PTPN3: variants seen among roughly 807,000 people sequenced by gnomAD.
PTPN3 encodes the protein protein tyrosine phosphatase non-receptor type 3, also known as tyrosine-protein phosphatase non-receptor type 3.
Under a neutral mutation model 132.7 loss-of-function variants are expected in PTPN3, and 96 were observed. The ratio of observed to expected loss-of-function variants is 0.72; its 90% CI spans 0.61 to 0.86. The LOEUF is 0.86. Among genes scored for constraint, PTPN3 ranks in the 40% least tolerant of loss-of-function variants. The pLI, the probability that PTPN3 is intolerant of heterozygous loss-of-function variation, is 0.00. For missense variants in PTPN3, 1,125 were observed against 1,159.6 expected (o/e 0.97, Z 0.43); for synonymous variants, 398 against 429.0 (o/e 0.93, Z 0.89).
At chr9:109,423,048 C>A (rs1358978873) in intron 12 of PTPN3, among the ~76,000 whole-genome samples, 196 bp from the exon 13 acceptor site, 1 of 152,202 alleles carries the variant, frequency 6.6e-6, no homozygotes, top group Non-Finnish European at 1.5e-5. Context: ...TTCTTCTCTT[C>A]GGGTGAAAAT....
Position 109,446,323 on chromosome 9 carries a change from T to C in PTPN3, c.414-1031A>G, listed in dbSNP as rs553701071. On this transcript the variant is annotated intron_variant, in intron 6 of 25. Transcript: ENST00000374541. ...CAAGATGTGAACCACTCCGCCTTTC[T>C]GACAATGCGGCCCTCCAGGGGTTCC... is the stretch of plus-strand genomic sequence containing the variant. Among the ~76,000 whole-genome samples, 3 of 152,320 alleles carry C rather than the reference T, an allele frequency of 2.0e-5. No individual in the cohort carries two copies. The East Asian group carries it at 5.8e-4, about 29-fold the overall frequency.
chr9:109,461,399 T>C (rs1006217123), intron 2 of PTPN3, among the ~76,000 whole-genome samples: 40 of 152,196 alleles, frequency 2.6e-4, no homozygotes, highest in African/African-American at 9.4e-4. Flanking sequence ...TTACCAAAGC[T>C]GAGCAATCTA....
chr9:109,448,223 C>T (rs1844990152), intron 6 of PTPN3, among the ~76,000 whole-genome samples: 1 of 152,144 alleles, frequency 6.6e-6, no homozygotes, highest in African/African-American at 2.4e-5. Context: ...GGGCTAAACT[C>T]ACAGGGGTTG....
In PTPN3 at chr9:109,379,278, T is replaced by C. The variant is rs974897316; in HGVS notation, c.*278A>G. 5.1e-6 allele frequency: 2 copies of C among 395,034 alleles called. No homozygotes were observed. Among genetic ancestry groups the C allele is most frequent in the Non-Finnish European group, 9.2e-6 (2 of 217,524 alleles). 24.5% of individuals were successfully genotyped at this position (395,034 alleles called of 1,614,324 possible). Reference sequence around the variant, plus strand: ...ATGCCGACAGGGGTGTGTGTGGTGATGTTAGGGAAGAAGGCATTAGGACAG... The same window carrying C: ...ATGCCGACAGGGGTGTGTGTGGTGACGTTAGGGAAGAAGGCATTAGGACAG... On this transcript the variant is annotated 3_prime_UTR_variant, in exon 26 of 26. Coordinates refer to ENST00000374541, the MANE Select transcript of PTPN3 (RefSeq NM_002829.4).
intron 12 of PTPN3, among the ~76,000 whole-genome samples, chr9:109,425,073 G>GT (rs1843144610): frequency 6.6e-6 from 1 of 152,158 alleles, no homozygotes; most frequent in Non-Finnish European, 1.5e-5. Context: ...ATATAATCCA[G>GT]TAAGTTATTT....
chr9:109,505,872 C>G, the PTPN3 span, among the ~76,000 whole-genome samples: 87 of 152,162 alleles, frequency 5.7e-4, no homozygotes, highest in African/African-American at 1.3e-3. Flanking sequence ...GCCTCAGCCT[C>G]CCGAGTAGCT....
rs377490884 is a variant in PTPN3 at position 109,379,549 on chromosome 9, A to G, written c.*7T>C. 2 of 1,610,624 alleles carry G rather than the reference A, an allele frequency of 1.2e-6. No individual in the cohort carries two copies. Among genetic ancestry groups the G allele is most frequent in the Non-Finnish European group, 1.7e-6 (2 of 1,176,962 alleles). ...GGGAAAGAGGAATGAACTTTTTCAC[A>G]GTTGTCTTAACTAGGATCCAGCATT... On this transcript the variant is annotated 3_prime_UTR_variant, in exon 26 of 26. Transcript: ENST00000374541.
chr9:109,432,614 C>G (rs956647393), intron 10 of PTPN3, among the ~76,000 whole-genome samples: 4 of 152,206 alleles, frequency 2.6e-5, no homozygotes, highest in Admixed American at 2.6e-4. Flanking sequence ...TCCCACCAGG[C>G]CTGTGAGCTC....
intron 2 of PTPN3, among the ~76,000 whole-genome samples, chr9:109,460,261 C>G (rs1021700032): frequency 2.6e-5 from 4 of 152,184 alleles, no homozygotes. Flanking sequence ...TCAGCAAACC[C>G]TATTGACTCC....
Position 109,391,542 on chromosome 9 carries a change from G to A in PTPN3, c.1973C>T (p.Pro658Leu), listed in dbSNP as rs1840099492. The part of the protein sequence containing the change: ...IQFEQLYRKK[P>L]GLAITFAKLP... ...CTTTGCAAACGTGATGGCCAAACCT[G>A]GCTTTTTTCTGTAGAGTTGCTATGT... Residue 658 changes from proline (P) to leucine (L), a missense_variant, in exon 20 of 26, where the codon CCA becomes CTA. Pro to Leu is a moderately conservative substitution (Grantham distance 98). Transcript: ENST00000374541. The A allele has an allele frequency of 6.2e-7, 1 of 1,613,610 alleles. No homozygotes were observed. The highest frequency in any genetic ancestry group is 1.1e-5 in the South Asian group (1 of 91,018).
rs796294033 is a variant in PTPN3 at position 109,416,436 on chromosome 9, TTTGTTTTTTTGTTTC to T, written c.1313+3973_1313+3987del. ...TCCAATGAACAGAAGTTTTTTGTTT[TTTGTTTTTTTGTTTC>T]TTTTTTTTTTTTTTGACAGGGTCTC... is the stretch of plus-strand genomic sequence containing the variant. On this transcript the variant is annotated intron_variant, in intron 14 of 25. Coordinates refer to ENST00000374541, the MANE Select transcript of PTPN3 (RefSeq NM_002829.4). 8.3e-4 allele frequency among the ~76,000 whole-genome samples: 118 copies of T among 142,232 alleles called. 3 individuals carry two copies. In the East Asian group the frequency reaches 0.014, roughly 17 times the overall value. The allele number at this position is 142,232 out of a possible 152,430, so 93.3% of individuals were successfully genotyped here. A position where few individuals can be genotyped will look rare whatever the true frequency, so the allele number is the denominator to read the frequency against.
At chr9:109,537,021 G>A in the PTPN3 span, among the ~76,000 whole-genome samples, 6 of 152,188 alleles carry the variant, frequency 3.9e-5, 1 homozygote, top group East Asian at 1.9e-4. Context: ...GCAGGGCAGG[G>A]CATGGACCTG....
chr9:109,415,985 C>T (rs1842458224), intron 14 of PTPN3, among the ~76,000 whole-genome samples: 1 of 152,196 alleles, frequency 6.6e-6, no homozygotes, highest in South Asian at 2.1e-4. Flanking sequence ...AAAACCCTGT[C>T]CCTGCCTGGT....
chr9:109,422,813 C>T lies in PTPN3; in HGVS notation c.1041G>A (p.Gly347=). The T allele has an allele frequency of 6.2e-7, 1 of 1,613,214 alleles. No individual in the cohort carries two copies. Among genetic ancestry groups the T allele is most frequent in the African/African-American group, 1.3e-5 (1 of 75,014 alleles). Residue 347 remains glycine (G), a synonymous_variant, in exon 13 of 26, where the codon GGG becomes GGA. Transcript: ENST00000374541. ...TCCGCATGGCTGGGTTCCACACCAT[C>T]CCGCCAATCACCTTTTTGCAATATT... ...NNQYCKKVIG[G]MVWNPAMRRS...
chr9:109,473,692 C>T (rs963251270), intron 1 of PTPN3, among the ~76,000 whole-genome samples: 2 of 152,120 alleles, frequency 1.3e-5, no homozygotes, highest in African/African-American at 4.8e-5. Flanking sequence ...AAAACTCATG[C>T]TAAGTATATT....
upstream of PTPN3, chr9:109,498,309 A>C (rs2132137788): frequency 6.9e-6 from 1 of 145,934 alleles, no homozygotes; most frequent in South Asian, 2.1e-4. This position sits in a 1 kb window ranked among gnomAD's most constrained non-coding sequence, Gnocchi z 4.2. Context: ...CCGCCGTCTG[A>C]GCATGCCCAG....
At chr9:109,415,048 GTCCA>G (rs1425439235) in intron 14 of PTPN3, among the ~76,000 whole-genome samples, 4 of 136,354 alleles carry the variant, frequency 2.9e-5, no homozygotes, top group Non-Finnish European at 3.2e-5. Context: ...CCGTCCGTCC[GTCCA>G]TCCGTCCATC....
chr9:109,398,709 G>A (rs1037799391), intron 19 of PTPN3, among the ~76,000 whole-genome samples: 2 of 152,202 alleles, frequency 1.3e-5, no homozygotes, highest in Non-Finnish European at 2.9e-5. Flanking sequence ...CCTGGTCACT[G>A]GATGAAAATG....
the PTPN3 span, among the ~76,000 whole-genome samples, chr9:109,534,632 C>CAA: frequency 0.12 from 13,135 of 108,306 alleles, 933 homozygotes; most frequent in South Asian, 0.24. Flanking sequence ...CAAAAAAATA[C>CAA]AAAAAAAAAA....
Sources: allele counts gnomAD v4.1 joint callset (sites outside exome capture counted in the v4.1 genomes callset), GRCh38; gene constraint gnomAD v4.1.1; non-coding constraint Gnocchi (gnomAD v3.1); transcripts MANE v1.5; gene names NCBI Gene and HGNC (gene_info 2026-07-23, HGNC 2026-07-21).